The following MBOAT1 variants were observed in gnomAD, a reference collection of about 807,000 sequenced individuals.
MBOAT1 encodes the protein membrane-bound glycerophospholipid O-acyltransferase 1.
Under a neutral mutation model 64.4 loss-of-function variants are expected in MBOAT1, and 67 were observed. The observed-to-expected ratio is 1.04, with a 90% CI of 0.85 to 1.27. The LOEUF (loss-of-function observed/expected upper bound fraction) is 1.27. Ranked by LOEUF, MBOAT1 falls within the 50% of genes most tolerant of loss-of-function variation. The pLI is 0.00. For missense variants in MBOAT1, 563 were observed against 604.6 expected, an observed-to-expected ratio of 0.93 and a Z score of 0.72; for synonymous variants, 229 against 218.9, an observed-to-expected ratio of 1.05 and a Z score of -0.41.
chr6:20,109,804 C>A, intron 11 of MBOAT1, 55 bp from the exon 12 acceptor site: 1 of 1,561,692 alleles, frequency 6.4e-7, no homozygotes, highest in Admixed American at 1.8e-5. Context: ...CAAATAACAA[C>A]TTTTACTCTG....
At chr6:20,194,035 T>C (rs1047399043) in intron 1 of MBOAT1, among the ~76,000 whole-genome samples, 13 of 152,280 alleles carry the variant, frequency 8.5e-5, no homozygotes, top group Middle Eastern at 3.4e-3. Flanking sequence ...TCCATTCTTC[T>C]ATGAAATTCT....
At chr6:20,193,218 G>C (rs1762859185) in intron 1 of MBOAT1, among the ~76,000 whole-genome samples, 1 of 151,710 alleles carries the variant, frequency 6.6e-6, no homozygotes, top group African/African-American at 2.4e-5. Flanking sequence ...GTGTTAGCCA[G>C]GATGGTCTCG....
Position 20,128,718 on chromosome 6 carries a change from G to T in MBOAT1, c.511C>A (p.Gln171Lys), listed in dbSNP as rs377307115. Reference protein sequence around the residue: ...GRRAEDLSAEQHRLAIKVKPS... With the variant: ...GRRAEDLSAEKHRLAIKVKPS... ...ACTTACTTGATAGCAAGTCGATGTT[G>T]TTCAGCAGAAAGGTCTTCAGCTCTT... The change falls in exon 6 of 13, where the codon CAA becomes AAA. Residue 171 changes from glutamine to lysine, a missense_variant. By Grantham distance (53) the Gln-to-Lys change is moderately conservative. Transcript: ENST00000324607. The T allele has an allele frequency of 6.2e-7, 1 of 1,610,508 alleles. No homozygotes were observed. The highest frequency in any genetic ancestry group is 1.3e-5 in the African/African-American group (1 of 74,822).
chr6:20,146,339 G>A lies in MBOAT1; in HGVS notation c.324-2024C>T, dbSNP rs1761324882. Among the ~76,000 whole-genome samples the A allele has an allele frequency of 4.6e-5, 7 of 152,196 alleles. No individual in the cohort carries two copies. In the South Asian group the frequency reaches 1.4e-3, roughly 32 times the overall value. ...GGGATAGCCAGATTTTAAATAACAT[G>A]AAGGAGTTCTGTAAACTCTAAATCA... On this transcript the variant is annotated intron_variant, in intron 3 of 12. Transcript: ENST00000324607.
At chr6:20,198,560 G>T (rs934089017) in intron 1 of MBOAT1, among the ~76,000 whole-genome samples, 8 of 152,110 alleles carry the variant, frequency 5.3e-5, no homozygotes, top group African/African-American at 1.9e-4. Context: ...TCAATTCATT[G>T]ACATTTAAGT....
At position 20,101,898 on chromosome 6, in the gene MBOAT1, G is replaced by T. The variant is rs908704144; in HGVS notation, c.*388C>A. On this transcript the variant is annotated 3_prime_UTR_variant, in exon 13 of 13. Coordinates refer to ENST00000324607, the MANE Select transcript of MBOAT1 (RefSeq NM_001080480.3). ...TGGGAGGCCGAGGCGGGCGGATCAC[G>T]AGGTCAGGAGATCGAGACCATCCCG... is the stretch of plus-strand genomic sequence containing the variant. Among the ~76,000 whole-genome samples, 3 of 151,802 alleles carry T rather than the reference G, an allele frequency of 2.0e-5. No homozygotes were observed. The highest frequency in any genetic ancestry group is 1.9e-4 in the East Asian group (1 of 5,154).
intron 1 of MBOAT1, among the ~76,000 whole-genome samples, chr6:20,202,478 T>C (rs938304828): frequency 1.3e-5 from 2 of 152,196 alleles, no homozygotes; most frequent in Non-Finnish European, 2.9e-5. Flanking sequence ...GATTGTGGAC[T>C]TTCAAAACCA....
chr6:20,195,299 C>T (rs1245430821), intron 1 of MBOAT1, among the ~76,000 whole-genome samples: 2 of 152,116 alleles, frequency 1.3e-5, no homozygotes, highest in Admixed American at 6.6e-5. Context: ...TGCTTTTTTA[C>T]TTTGTTGCTC....
At chr6:20,125,974 T>C (rs1760637846) in intron 7 of MBOAT1, 1 of 351,410 alleles carries the variant, frequency 2.8e-6, no homozygotes, top group Non-Finnish European at 5.5e-6. Context: ...TATTCTAATA[T>C]TGACTAATTA....
At chr6:20,161,950 A>G (rs1343184300) in intron 1 of MBOAT1, among the ~76,000 whole-genome samples, 2 of 152,040 alleles carry the variant, frequency 1.3e-5, no homozygotes, top group East Asian at 3.9e-4. Context: ...TCTGAGATTG[A>G]GGGTGTCGGC....
chr6:20,182,014 C>T (rs772478701), intron 1 of MBOAT1, among the ~76,000 whole-genome samples: 106 of 152,216 alleles, frequency 7.0e-4, no homozygotes, highest in Non-Finnish European at 6.6e-4. Context: ...CCTATGTAGA[C>T]GCCTGGGTTA....
chr6:20,103,410 G>C (rs918486570), intron 12 of MBOAT1, among the ~76,000 whole-genome samples: 4 of 151,072 alleles, frequency 2.6e-5, no homozygotes, highest in Admixed American at 6.6e-5. Context: ...TGTTGTTGTT[G>C]TTTTGGTTTT....
intron 8 of MBOAT1, among the ~76,000 whole-genome samples, chr6:20,120,006 C>CGGGTGTGT (rs1554116217): frequency 6.6e-6 from 1 of 150,628 alleles, no homozygotes; most frequent in African/African-American, 2.4e-5. Flanking sequence ...TGTGTGTGTG[C>CGGGTGTGT]GTGTGTGTGT....
intron 1 of MBOAT1, among the ~76,000 whole-genome samples, chr6:20,198,944 C>T: frequency 6.6e-6 from 1 of 152,218 alleles, no homozygotes; most frequent in East Asian, 1.9e-4. Flanking sequence ...ACATCGTAAA[C>T]TTTAACAAGT....
chr6:20,187,312 T>C (rs1413125736), intron 1 of MBOAT1, among the ~76,000 whole-genome samples: 4 of 152,186 alleles, frequency 2.6e-5, no homozygotes, highest in African/African-American at 9.7e-5. Context: ...GTCTCATCTG[T>C]AAAGTGAGGG....
intron 1 of MBOAT1, among the ~76,000 whole-genome samples, chr6:20,156,362 G>A (rs1404634672): frequency 6.6e-6 from 1 of 151,740 alleles, no homozygotes; most frequent in African/African-American, 2.4e-5. Flanking sequence ...CTAAACTCAA[G>A]ACTTCATCAT....
In MBOAT1 at chr6:20,100,321, T is replaced by C. The variant is rs759150054; in HGVS notation, c.*1965A>G. Among the ~76,000 whole-genome samples, 1 of 152,198 alleles carries C rather than the reference T, an allele frequency of 6.6e-6. No individual in the cohort carries two copies. Among genetic ancestry groups the C allele is most frequent in the Non-Finnish European group, 1.5e-5 (1 of 68,034 alleles). ...TTTTTGCTAGTTTGCAAGATGTACA[T>C]TTTTCTTGGTCTCGTACCTCAAACT... On this transcript the variant is annotated 3_prime_UTR_variant, in exon 13 of 13. Coordinates refer to ENST00000324607, the MANE Select transcript of MBOAT1 (RefSeq NM_001080480.3).
intron 12 of MBOAT1, among the ~76,000 whole-genome samples, chr6:20,103,356 CA>C (rs1333661186): frequency 6.6e-6 from 1 of 152,160 alleles, no homozygotes; most frequent in Non-Finnish European, 1.5e-5. Context: ...AAAAAGCTTA[CA>C]AAAAATATAA....
At chr6:20,142,242 T>C (rs1761199747) in intron 4 of MBOAT1, among the ~76,000 whole-genome samples, 1 of 152,160 alleles carries the variant, frequency 6.6e-6, no homozygotes. Context: ...ATTTAATGCA[T>C]TCATTTCTTG....
Sources: gnomAD v4.1 joint callset for allele counts (sites outside exome capture counted in the v4.1 genomes callset) on GRCh38, gnomAD v4.1.1 for gene constraint, MANE v1.5 for transcripts, NCBI Gene and HGNC (gene_info 2026-07-23, HGNC 2026-07-21) for gene names.